MYT1: variants seen among roughly 807,000 people sequenced by gnomAD.
MYT1 encodes myelin transcription factor I.
Under a neutral mutation model 123.0 loss-of-function variants are expected in MYT1, and 23 were observed. That is an observed-to-expected ratio of 0.19 (90% CI 0.13 to 0.26). The LOEUF is 0.26. Ranked by LOEUF, MYT1 falls within the 10% of genes least tolerant of loss-of-function variation. The pLI is 1.00. For synonymous variants in MYT1, 518 were observed against 575.3 expected (o/e 0.90, Z 1.43); for missense variants, 1,125 against 1,472.5 (o/e 0.76, Z 3.86).
chr20:64,214,419 A>C lies in MYT1; in HGVS notation c.1631+772A>C, dbSNP rs535148770. Among the ~76,000 whole-genome samples, 66 of 152,296 alleles carry C rather than the reference A, an allele frequency of 4.3e-4. 2 individuals carry two copies. The South Asian group carries it at 0.012, about 29-fold the overall frequency. The stretch of plus-strand genomic sequence containing the variant: ...TGTGTGCATGTGTAAATTTGGCTCT[A>C]ATCAATAAGGATCTTTCAGAATGTG... On this transcript the variant is annotated intron_variant, in intron 10 of 22. Coordinates refer to ENST00000328439, the MANE Select transcript of MYT1 (RefSeq NM_004535.3).
rs770187081 is a variant in MYT1, at chr20:64,240,381, A to T, written c.3299A>T (p.Asn1100Ile). 5.0e-6 allele frequency: 8 copies of T among 1,613,940 alleles called. No individual in the cohort carries two copies. The highest frequency in any genetic ancestry group is 1.3e-5 in the African/African-American group (1 of 74,938). The change falls in exon 23 of 23, where the codon AAC (asparagine) becomes ATC (isoleucine). Residue 1100 changes from asparagine to isoleucine, a missense_variant. Transcript: ENST00000328439. ...YVSTLTDMYS[N>I]QDPENKDLLE... is the part of the protein sequence containing the mutation. ...AGCACCCTCACCGACATGTACTCCA[A>T]CCAGGACCCGGAGAACAAGGACCTC...
At chr20:64,176,546 T>C (rs575169259) in intron 1 of MYT1, among the ~76,000 whole-genome samples, 16 of 151,708 alleles carry the variant, frequency 1.1e-4, no homozygotes, top group Non-Finnish European at 4.4e-5. Context: ...TTTCTGGAGG[T>C]CCCCACTCTG....
chr20:64,195,634 G>T (rs1009161426), intron 2 of MYT1, among the ~76,000 whole-genome samples: 2 of 151,424 alleles, frequency 1.3e-5, no homozygotes, highest in African/African-American at 4.9e-5. Flanking sequence ...GACCTCAAGT[G>T]ATCCACCCGC....
intron 16 of MYT1, among the ~76,000 whole-genome samples, chr20:64,224,837 A>C (rs866977089): frequency 2.6e-5 from 4 of 152,280 alleles, no homozygotes; most frequent in African/African-American, 9.6e-5. Flanking sequence ...GGCTGCAGGC[A>C]CTCAGTGGCC....
rs770065648 is a variant in MYT1, at chr20:64,208,036, AGAG to A, written c.849_851del (p.Glu306del). 7.5e-5 allele frequency: 119 copies of A among 1,580,718 alleles called. No individual in the cohort carries two copies. The highest frequency in any genetic ancestry group is 9.1e-5 in the Non-Finnish European group (106 of 1,158,774). ...AGGAGGATGAAGAAGAGGAAGAGGA[AGAG>A]GAGGAGGAAGAGGAAGAGGAGGAGG... On this transcript the variant is annotated inframe_deletion, in exon 7 of 23. Transcript: ENST00000328439. The surrounding 1 kb of genome is among the most constrained non-coding windows in gnomAD (Gnocchi z 5.4).
intron 2 of MYT1, among the ~76,000 whole-genome samples, chr20:64,195,393 T>TATA (rs1983084348): frequency 1.6e-5 from 1 of 62,248 alleles, no homozygotes; most frequent in Admixed American, 2.2e-4. Flanking sequence ...TGTGTGTGTG[T>TATA]GTGTATACTT....
At chr20:64,210,616 C>T (rs1473689537) in intron 7 of MYT1, among the ~76,000 whole-genome samples, 1 of 152,342 alleles carries the variant, frequency 6.6e-6, no homozygotes, top group East Asian at 1.9e-4. Flanking sequence ...AGCTCTCGTC[C>T]AAAGGTGTTT....
chr20:64,240,112 G>T (rs554058400), intron 22 of MYT1, among the ~76,000 whole-genome samples: 1 of 152,326 alleles, frequency 6.6e-6, no homozygotes, highest in Non-Finnish European at 1.5e-5. Context: ...ATAAAGAGTA[G>T]CTAATGAATC....
rs1016228179 is a variant in MYT1 at position 64,186,820 on chromosome 20, G to A, written c.-98-3243G>A. On this transcript the variant is annotated intron_variant, in intron 1 of 22. Coordinates refer to ENST00000328439, the MANE Select transcript of MYT1 (RefSeq NM_004535.3). The surrounding 1 kb of genome is among the most constrained non-coding windows in gnomAD (Gnocchi z 4.3). ...GACTTTTCCTGTAGCCTGTGGCCCCGGCATCCACGTTTCCGTGGAGAGTTT... is the reference window on the plus strand; with the variant it reads ...GACTTTTCCTGTAGCCTGTGGCCCCAGCATCCACGTTTCCGTGGAGAGTTT... Among the ~76,000 whole-genome samples, 7 of 150,692 alleles carry A rather than the reference G, an allele frequency of 4.6e-5. No homozygotes were observed. Among genetic ancestry groups the A allele is most frequent in the African/African-American group, 1.5e-4 (6 of 40,664 alleles).
intron 1 of MYT1, among the ~76,000 whole-genome samples, chr20:64,169,989 G>A (rs902420208): frequency 6.7e-6 from 1 of 149,790 alleles, no homozygotes; most frequent in East Asian, 2.0e-4. Flanking sequence ...CCTGCCGAGT[G>A]CCCCAGGCTG....
rs1216901595 is a variant in MYT1, at chr20:64,173,437, CTG to C, written c.-99+8700_-99+8701del. On this transcript the variant is annotated intron_variant, in intron 1 of 22. Coordinates refer to ENST00000328439, the MANE Select transcript of MYT1 (RefSeq NM_004535.3). ...CAGGAGGGAGCCCATACCCCAGTGC[CTG>C]TAGTTGTGTCCATTTCCCCTCCCTG... 2.7e-3 allele frequency among the ~76,000 whole-genome samples: 406 copies of C among 152,100 alleles called. 10 individuals carry two copies. Among genetic ancestry groups the C allele is most frequent in the African/African-American group, 9.4e-3 (389 of 41,436 alleles).
At chr20:64,197,880 G>A (rs1042362798) in intron 2 of MYT1, among the ~76,000 whole-genome samples, 4 of 152,208 alleles carry the variant, frequency 2.6e-5, no homozygotes, top group African/African-American at 7.2e-5. Flanking sequence ...GAGGGACACC[G>A]ATAGGCTCAG....
Position 64,207,735 on chromosome 20 carries a change from TG to T in MYT1, c.541del (p.Glu181LysfsTer75). On this transcript the variant is annotated frameshift_variant, in exon 7 of 23. Transcript: ENST00000328439. LOFTEE classifies it high-confidence loss of function. ...GGTCAAATTGCTGAAGAGACCCTGG[TG>T]GAAGAGGACTTGGGCCAGGCGGCCA... ...NLGQIAEETL[V>X]EEDLGQAAKP... 1 of 1,613,800 alleles carries T rather than the reference TG, an allele frequency of 6.2e-7. No homozygotes were observed. Among genetic ancestry groups the T allele is most frequent in the Non-Finnish European group, 8.5e-7 (1 of 1,179,946 alleles).
chr20:64,223,180 C>G lies in MYT1; in HGVS notation c.2459+7C>G. On this transcript the variant is annotated splice_region_variant and intron_variant, in intron 15 of 22. Coordinates refer to ENST00000328439, the MANE Select transcript of MYT1 (RefSeq NM_004535.3). Reference sequence around the variant, plus strand: ...ACTACGCCTCCCACCGCAGGTTTGTCTCCTGCTCGGGTCCGTCTGGCCTGG... The same window carrying G: ...ACTACGCCTCCCACCGCAGGTTTGTGTCCTGCTCGGGTCCGTCTGGCCTGG... 2 of 1,614,216 alleles carry G rather than the reference C, an allele frequency of 1.2e-6. No homozygotes were observed. Among genetic ancestry groups the G allele is most frequent in the Non-Finnish European group, 8.5e-7 (1 of 1,180,048 alleles).
chr20:64,237,644 G>T (rs999042840), intron 21 of MYT1, among the ~76,000 whole-genome samples: 3 of 152,206 alleles, frequency 2.0e-5, no homozygotes, highest in African/African-American at 7.2e-5. Flanking sequence ...TCTCATTAGT[G>T]TTAATAACAC....
intron 21 of MYT1, 141 bp from the exon 22 acceptor site, chr20:64,239,619 A>T: frequency 8.4e-7 from 1 of 1,193,572 alleles, no homozygotes; most frequent in Non-Finnish European, 1.2e-6. Flanking sequence ...AGAACCCCCT[A>T]CAGGAAGGCA....
chr20:64,199,263 G>T (rs1983218354), intron 3 of MYT1, among the ~76,000 whole-genome samples: 1 of 152,202 alleles, frequency 6.6e-6, no homozygotes, highest in Non-Finnish European at 1.5e-5. Flanking sequence ...GATCAGTCTT[G>T]GTGCTAATGG....
At position 64,191,808 on chromosome 20, in the gene MYT1, T is replaced by G. The variant is rs1281505301; in HGVS notation, c.-1+1648T>G. On this transcript the variant is annotated intron_variant, in intron 2 of 22. Transcript: ENST00000328439. This position sits in a 1 kb window ranked among gnomAD's most constrained non-coding sequence, Gnocchi z 4.1. Reference sequence around the variant, plus strand: ...TGGATCCTGTCTTTATTTAAGGTTTTGGTATCTTGTTTATTAGGGGTTTTT... The same window carrying G: ...TGGATCCTGTCTTTATTTAAGGTTTGGGTATCTTGTTTATTAGGGGTTTTT... The G allele has an allele frequency of 6.6e-6, 1 of 152,210 alleles. No homozygotes were observed. Among genetic ancestry groups the G allele is most frequent in the East Asian group, 1.9e-4 (1 of 5,202 alleles). 9.4% of individuals were successfully genotyped at this position (152,210 alleles called of 1,614,324 possible).
rs991753095 is a variant in MYT1 at position 64,242,154 on chromosome 20, A to G, written c.*1706A>G. 7.2e-5 allele frequency: 11 copies of G among 152,554 alleles called. No individual in the cohort carries two copies. The highest frequency in any genetic ancestry group is 2.4e-4 in the African/African-American group (10 of 41,426). 9.5% of individuals were successfully genotyped at this position (152,554 alleles called of 1,614,324 possible). ...GCCACCCGTCCCTCCGACAGCTCCAATACTGTGACCCTCCTTCCTCAGGAA... is the reference window on the plus strand; with the variant it reads ...GCCACCCGTCCCTCCGACAGCTCCAGTACTGTGACCCTCCTTCCTCAGGAA... On this transcript the variant is annotated 3_prime_UTR_variant, in exon 23 of 23. Transcript: ENST00000328439.
Sources: allele counts gnomAD v4.1 joint callset (sites outside exome capture counted in the v4.1 genomes callset), GRCh38; gene constraint gnomAD v4.1.1; non-coding constraint Gnocchi (gnomAD v3.1); transcripts MANE v1.5; gene names NCBI Gene and HGNC (gene_info 2026-07-23, HGNC 2026-07-21).